Variants in QTMAN observed in about 807,000 individuals in gnomAD.
QTMAN encodes the protein queuosine-tRNA mannosyltransferase.
At chr2:144,322,428 T>C in the QTMAN span, among the ~76,000 whole-genome samples, 3 of 152,158 alleles carry the variant, frequency 2.0e-5, no homozygotes, top group African/African-American at 7.2e-5. Context: ...AACAAAATGT[T>C]TTCAAAACAG....
the QTMAN span, among the ~76,000 whole-genome samples, chr2:144,150,616 T>C: frequency 6.6e-6 from 1 of 152,076 alleles, no homozygotes; most frequent in Non-Finnish European, 1.5e-5. Context: ...TGAATACAAT[T>C]ACCTGCTTAA....
the QTMAN span, among the ~76,000 whole-genome samples, chr2:144,131,463 G>A: frequency 6.6e-6 from 1 of 151,624 alleles, no homozygotes; most frequent in Admixed American, 6.6e-5. Flanking sequence ...TTGTTTCTCT[G>A]TTTCTTATCT....
At chr2:143,952,956 C>CA in the QTMAN span, 6 of 678,262 alleles carry the variant, frequency 8.8e-6, no homozygotes, top group Non-Finnish European at 1.3e-5. Flanking sequence ...TTAACTGGGA[C>CA]AAAAAACATG....
chr2:144,185,929 A>G, the QTMAN span, among the ~76,000 whole-genome samples: 2 of 152,234 alleles, frequency 1.3e-5, no homozygotes, highest in African/African-American at 4.8e-5. Context: ...AAAAGATTAT[A>G]AAGTCGTACA....
the QTMAN span, among the ~76,000 whole-genome samples, chr2:144,118,187 A>G: frequency 6.6e-6 from 1 of 152,154 alleles, no homozygotes; most frequent in African/African-American, 2.4e-5. Context: ...ACAATCTGGT[A>G]TTTCATATGA....
chr2:144,260,116 T>C, the QTMAN span, among the ~76,000 whole-genome samples: 1 of 152,164 alleles, frequency 6.6e-6, no homozygotes, highest in South Asian at 2.1e-4. Flanking sequence ...AGTCTCTTTT[T>C]TCATAATTGT....
At chr2:143,968,002 A>G in the QTMAN span, among the ~76,000 whole-genome samples, 1 of 152,230 alleles carries the variant, frequency 6.6e-6, no homozygotes, top group South Asian at 2.1e-4. Flanking sequence ...AGGGGTGACA[A>G]TAATGGCTGA....
At chr2:143,990,400 T>C in the QTMAN span, among the ~76,000 whole-genome samples, 2 of 152,108 alleles carry the variant, frequency 1.3e-5, no homozygotes. Context: ...TGGGTTGGGA[T>C]AGTTACCCTA....
At chr2:144,094,874 A>G in the QTMAN span, among the ~76,000 whole-genome samples, 1 of 152,242 alleles carries the variant, frequency 6.6e-6, no homozygotes, top group African/African-American at 2.4e-5. Flanking sequence ...TGGGTGCATG[A>G]GACATAGTGG....
the QTMAN span, among the ~76,000 whole-genome samples, chr2:144,071,755 G>A: frequency 2.5e-4 from 38 of 152,084 alleles, 1 homozygote; most frequent in Non-Finnish European, 2.9e-5. Context: ...CTGTCCTCCT[G>A]CCTTGGATGG....
At chr2:144,094,309 A>G in the QTMAN span, among the ~76,000 whole-genome samples, 1 of 152,206 alleles carries the variant, frequency 6.6e-6, no homozygotes, top group African/African-American at 2.4e-5. Flanking sequence ...GTAGCCTGAT[A>G]ATAGGTTGAA....
the QTMAN span, among the ~76,000 whole-genome samples, chr2:143,997,146 G>GT: frequency 2.0e-5 from 3 of 151,948 alleles, no homozygotes; most frequent in African/African-American, 7.2e-5. Context: ...TTTCTACTCT[G>GT]TAAATACCCC....
the QTMAN span, among the ~76,000 whole-genome samples, chr2:144,219,180 G>C: frequency 6.6e-6 from 1 of 151,958 alleles, no homozygotes; most frequent in South Asian, 2.1e-4. Context: ...GCCCAGGCTG[G>C]AGTGCAATGG....
At chr2:144,118,203 A>C in the QTMAN span, among the ~76,000 whole-genome samples, 1 of 152,138 alleles carries the variant, frequency 6.6e-6, no homozygotes, top group Non-Finnish European at 1.5e-5. Flanking sequence ...TATGACTTGA[A>C]ATGTGTTATT....
At chr2:144,244,280 T>C in the QTMAN span, among the ~76,000 whole-genome samples, 1 of 152,198 alleles carries the variant, frequency 6.6e-6, no homozygotes, top group Non-Finnish European at 1.5e-5. Flanking sequence ...ATTGGGGAAG[T>C]TTGCAAGGGA....
chr2:144,288,587 C>T, the QTMAN span, among the ~76,000 whole-genome samples: 3 of 152,150 alleles, frequency 2.0e-5, no homozygotes, highest in African/African-American at 7.2e-5. Context: ...AAGGGAGTGG[C>T]AAGTGAGAGC....
the QTMAN span, among the ~76,000 whole-genome samples, chr2:143,958,900 C>T: frequency 1.8e-3 from 268 of 149,674 alleles, no homozygotes; most frequent in African/African-American, 6.4e-3. Flanking sequence ...AAGTTAAATA[C>T]CAATTCTTAA....
At chr2:144,302,301 A>G in the QTMAN span, among the ~76,000 whole-genome samples, 1 of 152,048 alleles carries the variant, frequency 6.6e-6, no homozygotes. Context: ...ATATTAAGCT[A>G]GAAGAGTCAT....
At chr2:143,966,832 A>C in the QTMAN span, among the ~76,000 whole-genome samples, 1 of 152,270 alleles carries the variant, frequency 6.6e-6, no homozygotes, top group African/African-American at 2.4e-5. Flanking sequence ...GCTGAGTTAT[A>C]GTTTTCAAAA....
Sources: allele counts gnomAD v4.1 joint callset (sites outside exome capture counted in the v4.1 genomes callset), GRCh38; gene constraint gnomAD v4.1.1; transcripts MANE v1.5; gene names NCBI Gene and HGNC (gene_info 2026-07-23, HGNC 2026-07-21).